Variants in TMEM163 observed in about 807,000 individuals in gnomAD.
The protein encoded by TMEM163 is transmembrane protein 163.
In TMEM163, 17 loss-of-function variants were observed where a neutral mutation model predicts 29.3. That is an observed-to-expected ratio of 0.58 (90% CI 0.40 to 0.87). The LOEUF is 0.87. Ranked by LOEUF, TMEM163 falls within the 40% of genes least tolerant of loss-of-function variation. TMEM163 has a pLI of 0.00. For missense variants in TMEM163, 303 were observed against 381.5 expected (o/e 0.79, Z 1.71); for synonymous variants, 157 against 160.6 (o/e 0.98, Z 0.17).
chr2:134,597,282 C>T (rs549690542), intron 2 of TMEM163, among the ~76,000 whole-genome samples: 6 of 152,256 alleles, frequency 3.9e-5, no homozygotes, highest in East Asian at 3.9e-4. Context: ...TTTTGAGATA[C>T]GTCCTATCAA....
At chr2:134,511,454 C>A (rs1679948283) in intron 4 of TMEM163, among the ~76,000 whole-genome samples, 1 of 152,208 alleles carries the variant, frequency 6.6e-6, no homozygotes, top group African/African-American at 2.4e-5. Flanking sequence ...GGAGACGCAA[C>A]CTGACTCACA....
chr2:134,570,423 G>T (rs1681393108), intron 2 of TMEM163, among the ~76,000 whole-genome samples: 1 of 151,752 alleles, frequency 6.6e-6, no homozygotes, highest in Non-Finnish European at 1.5e-5. Flanking sequence ...TCCACTGGGG[G>T]CCTTGGAACA....
chr2:134,696,872 T>C (rs963445188), intron 2 of TMEM163, among the ~76,000 whole-genome samples: 2 of 152,102 alleles, frequency 1.3e-5, no homozygotes, highest in Non-Finnish European at 2.9e-5. Context: ...ACCTCCCAGG[T>C]TCAAGCGATT....
chr2:134,473,556 G>GAA (rs1686851769), intron 5 of TMEM163, among the ~76,000 whole-genome samples: 2 of 147,482 alleles, frequency 1.4e-5, no homozygotes, highest in African/African-American at 5.1e-5. Flanking sequence ...AAAAGAAAAA[G>GAA]AAACCAATGA....
In TMEM163 at chr2:134,538,415, C is replaced by T. The variant is rs1231040391; in HGVS notation, c.458+12155G>A. On this transcript the variant is annotated intron_variant, in intron 4 of 7. Transcript: ENST00000281924. ...CCCAGTCTATGATATTTCATTACAG[C>T]AGCCCAAACAATGACACATAGCAAT... Among the ~76,000 whole-genome samples the T allele has an allele frequency of 7.2e-5, 11 of 152,324 alleles. No homozygotes were observed. The East Asian group carries it at 2.1e-3, about 29-fold the overall frequency.
chr2:134,565,482 T>A (rs926401438), intron 2 of TMEM163, among the ~76,000 whole-genome samples: 1 of 151,940 alleles, frequency 6.6e-6, no homozygotes, highest in Non-Finnish European at 1.5e-5. Context: ...GGCAGGAGCC[T>A]GTAATCCCAG....
chr2:134,593,180 C>A (rs1371215843), intron 2 of TMEM163, among the ~76,000 whole-genome samples: 2 of 152,138 alleles, frequency 1.3e-5, no homozygotes, highest in African/African-American at 4.8e-5. Flanking sequence ...AGAACTTGAG[C>A]TGGCCTGGAA....
chr2:134,529,290 C>T (rs997737856), intron 4 of TMEM163, among the ~76,000 whole-genome samples: 3 of 152,090 alleles, frequency 2.0e-5, no homozygotes, highest in African/African-American at 7.2e-5. Flanking sequence ...GAGATCACGC[C>T]ACTATACTCC....
In TMEM163 at chr2:134,718,915, G is replaced by T. The variant is rs1007785841; in HGVS notation, c.21C>A (p.Ile7=). ...TGGGCCCCTGGGAGCTGCGGCGCTG[G>T]ATGCCCGCGGCCGGCTCCATGGCGC... The part of the protein sequence containing the change: MEPAAG[I]QRRSSQGPTV... The change falls in exon 1 of 8, where the codon ATC becomes ATA. Residue 7 remains isoleucine, a synonymous_variant. Coordinates refer to ENST00000281924, the MANE Select transcript of TMEM163 (RefSeq NM_030923.5). 41 of 1,065,940 alleles carry T rather than the reference G, an allele frequency of 3.8e-5. 1 individual carries two copies. Among genetic ancestry groups the T allele is most frequent in the Middle Eastern group, 8.5e-4 (2 of 2,346 alleles). The allele number at this position is 1,065,940 out of a possible 1,614,324, so 66.0% of individuals were successfully genotyped here.
chr2:134,532,263 G>A (rs974063327), intron 4 of TMEM163, among the ~76,000 whole-genome samples: 19 of 152,304 alleles, frequency 1.2e-4, no homozygotes, highest in Admixed American at 9.8e-4. Flanking sequence ...GATGCACCAC[G>A]AGTAAAGAAA....
chr2:134,591,923 AC>A (rs1282282772), intron 2 of TMEM163, among the ~76,000 whole-genome samples: 9 of 151,472 alleles, frequency 5.9e-5, no homozygotes, highest in Middle Eastern at 6.8e-3. Flanking sequence ...AAAAAAAAAA[AC>A]AACCTGTAAA....
In TMEM163 at chr2:134,460,986, C is replaced by T. The variant is rs1254274490; in HGVS notation, c.668-2813G>A. Among the ~76,000 whole-genome samples the T allele has an allele frequency of 1.3e-5, 2 of 152,188 alleles. No homozygotes were observed. Among genetic ancestry groups the T allele is most frequent in the Non-Finnish European group, 2.9e-5 (2 of 68,022 alleles). On this transcript the variant is annotated intron_variant, in intron 6 of 7. Transcript: ENST00000281924. The surrounding 1 kb of genome is among the most constrained non-coding windows in gnomAD (Gnocchi z 4.3). The stretch of plus-strand genomic sequence containing the variant: ...GATCAAGCACACAGGGACTAGGGAC[C>T]GAGTCAGTGGCCACCTGCCACTTTG...
chr2:134,594,768 C>T (rs1682024325), intron 2 of TMEM163, among the ~76,000 whole-genome samples: 1 of 152,134 alleles, frequency 6.6e-6, no homozygotes, highest in South Asian at 2.1e-4. Flanking sequence ...AAGCTTGGTG[C>T]CCAATTCTCT....
At chr2:134,492,029 T>C (rs1425479108) in intron 5 of TMEM163, among the ~76,000 whole-genome samples, 1 of 152,238 alleles carries the variant, frequency 6.6e-6, no homozygotes, top group Non-Finnish European at 1.5e-5. Context: ...CATGGGTGTT[T>C]CTGGCAACTG....
intron 2 of TMEM163, among the ~76,000 whole-genome samples, chr2:134,635,978 A>G (rs950281787): frequency 1.3e-5 from 2 of 152,186 alleles, no homozygotes; most frequent in African/African-American, 4.8e-5. Flanking sequence ...CCTCCATATC[A>G]GAAGGTATAT....
chr2:134,619,498 A>G (rs1331111601), intron 2 of TMEM163, among the ~76,000 whole-genome samples: 19 of 152,208 alleles, frequency 1.2e-4, no homozygotes, highest in Admixed American at 1.2e-3. Context: ...TAAGAATAAG[A>G]GCCAAATGGT....
chr2:134,702,221 G>T (rs1684720465), intron 2 of TMEM163, among the ~76,000 whole-genome samples: 1 of 152,172 alleles, frequency 6.6e-6, no homozygotes, highest in African/African-American at 2.4e-5. Flanking sequence ...ACACTCATAG[G>T]ATTCCTCCCC....
intron 6 of TMEM163, among the ~76,000 whole-genome samples, chr2:134,464,841 G>T (rs117977695): frequency 6.6e-6 from 1 of 152,046 alleles, no homozygotes; most frequent in African/African-American, 2.4e-5. Context: ...GGGTGGAAAC[G>T]TCACTTTGGC....
At chr2:134,463,846 C>T (rs1686604139) in intron 6 of TMEM163, among the ~76,000 whole-genome samples, 1 of 152,218 alleles carries the variant, frequency 6.6e-6, no homozygotes, top group African/African-American at 2.4e-5. Context: ...CAACTTCACG[C>T]TCCAACAGCA....
Sources: allele counts gnomAD v4.1 joint callset (sites outside exome capture counted in the v4.1 genomes callset), GRCh38; gene constraint gnomAD v4.1.1; non-coding constraint Gnocchi (gnomAD v3.1); transcripts MANE v1.5; gene names NCBI Gene and HGNC (gene_info 2026-07-23, HGNC 2026-07-21).